Variants in TCF12 observed in about 807,000 individuals in gnomAD.
TCF12 encodes the protein transcription factor 12.
In TCF12, 45 loss-of-function variants were observed where a neutral mutation model predicts 86.0. That is an observed-to-expected ratio of 0.52 (90% confidence interval 0.41 to 0.67). The LOEUF (loss-of-function observed/expected upper bound fraction) is 0.67, where lower values mean the gene tolerates loss of function less well. TCF12 is among the 30% of genes least tolerant of loss of function. The pLI is 0.00. For synonymous variants in TCF12, 330 were observed against 299.6 expected (o/e 1.10, Z -1.05); for missense variants, 881 against 859.9 (o/e 1.02, Z -0.31).
rs2059762687 is a variant in TCF12 at position 56,920,919 on chromosome 15, C to G, written c.76-107C>G. On this transcript the variant is annotated intron_variant, in intron 2 of 20. Transcript: ENST00000333725. The stretch of plus-strand genomic sequence containing the variant: ...GAATGTATCTCCAATTTTATTTTAA[C>G]TTCCCTCTGAAATTTAATAACTGAT... 1.5e-5 allele frequency: 11 copies of G among 755,270 alleles called. No individual in the cohort carries two copies. In the Middle Eastern group the frequency reaches 2.4e-3, roughly 168 times the overall value. The allele number at this position is 755,270 out of a possible 1,614,324, so 46.8% of individuals were successfully genotyped here. A position where few individuals can be genotyped will look rare whatever the true frequency, so the allele number is the denominator to read the frequency against.
At chr15:56,991,192 C>T (rs932408042) in intron 3 of TCF12, among the ~76,000 whole-genome samples, 1 of 152,188 alleles carries the variant, frequency 6.6e-6, no homozygotes, top group Non-Finnish European at 1.5e-5. Flanking sequence ...ATATTCCCAA[C>T]CCACCATCTC....
chr15:57,269,869 T>C (rs1194154683), intron 18 of TCF12, among the ~76,000 whole-genome samples: 5 of 152,234 alleles, frequency 3.3e-5, no homozygotes, highest in Non-Finnish European at 7.3e-5. Flanking sequence ...TCTTTAAGAA[T>C]GTTGAAATAT....
chr15:57,181,137 G>A (rs180734221), intron 6 of TCF12, among the ~76,000 whole-genome samples: 15 of 152,048 alleles, frequency 9.9e-5, no homozygotes, highest in Admixed American at 8.5e-4. Flanking sequence ...TTTGACCTAC[G>A]GTTAATTAGG....
intron 20 of TCF12, 33 bp downstream of exon 20, chr15:57,282,631 A>AATAAC: frequency 6.3e-7 from 1 of 1,594,604 alleles, no homozygotes; most frequent in Admixed American, 1.8e-5. Context: ...ACAGCAAGGA[A>AATAAC]ATAACCTTAA....
intron 5 of TCF12, among the ~76,000 whole-genome samples, chr15:57,096,065 CTGT>C (rs1477609520): frequency 6.6e-6 from 1 of 152,036 alleles, no homozygotes; most frequent in African/African-American, 2.4e-5. Context: ...TTTAAGATAC[CTGT>C]TGTTTCTTCA....
At chr15:57,097,393 G>T (rs2151149084) in intron 5 of TCF12, among the ~76,000 whole-genome samples, 1 of 152,092 alleles carries the variant, frequency 6.6e-6, no homozygotes, top group East Asian at 1.9e-4. Context: ...GCCAGGCATG[G>T]TGGCACATGC....
intron 3 of TCF12, among the ~76,000 whole-genome samples, chr15:57,005,123 A>C (rs531957570): frequency 6.6e-6 from 1 of 152,332 alleles, no homozygotes; most frequent in East Asian, 1.9e-4. Flanking sequence ...TCATTATTAG[A>C]AAAACATTAG....
At chr15:57,127,667 C>T (rs1321115722) in intron 5 of TCF12, among the ~76,000 whole-genome samples, 2 of 152,110 alleles carry the variant, frequency 1.3e-5, no homozygotes, top group African/African-American at 4.8e-5. Flanking sequence ...AAACTATTTA[C>T]CTAATAATTC....
chr15:56,960,058 T>G (rs2061676055), intron 3 of TCF12, among the ~76,000 whole-genome samples: 1 of 152,208 alleles, frequency 6.6e-6, no homozygotes, highest in Admixed American at 6.5e-5. Flanking sequence ...TACTATGTTT[T>G]ACAGATAAAA....
At chr15:57,252,094 A>G (rs766706203) in intron 14 of TCF12, 24 of 225,290 alleles carry the variant, frequency 1.1e-4, no homozygotes, top group Non-Finnish European at 1.7e-4. Context: ...ATTTGATGGA[A>G]TGCTAAGTCA....
intron 3 of TCF12, among the ~76,000 whole-genome samples, chr15:57,036,340 G>A (rs571986750): frequency 2.2e-4 from 33 of 152,176 alleles, no homozygotes; most frequent in African/African-American, 6.3e-4. Flanking sequence ...GGTTGACTGC[G>A]TTTGTAATCT....
intron 5 of TCF12, among the ~76,000 whole-genome samples, chr15:57,162,149 T>C (rs2054549997): frequency 1.3e-5 from 2 of 152,216 alleles, no homozygotes; most frequent in South Asian, 2.1e-4. Context: ...AAATTAGATA[T>C]ATGTTACATT....
chr15:57,102,305 A>G (rs923547436), intron 5 of TCF12, among the ~76,000 whole-genome samples: 1 of 152,192 alleles, frequency 6.6e-6, no homozygotes, highest in Non-Finnish European at 1.5e-5. Context: ...AAGAATTAAT[A>G]AGTTACATAT....
intron 16 of TCF12, among the ~76,000 whole-genome samples, chr15:57,257,679 G>GTATATATATATATATATATATATATA (rs55834033): frequency 1.4e-4 from 20 of 140,358 alleles, no homozygotes; most frequent in African/African-American, 5.1e-4. Flanking sequence ...AAAAAAAAGT[G>GTATATATATATATATATATATATATA]TATATATATA....
chr15:57,033,595 C>G (rs1596228357), intron 3 of TCF12, among the ~76,000 whole-genome samples: 1 of 152,122 alleles, frequency 6.6e-6, no homozygotes, highest in East Asian at 1.9e-4. Flanking sequence ...TATTATGGCT[C>G]TTATTTTCTA....
chr15:57,022,292 C>T (rs1485116913), intron 3 of TCF12, among the ~76,000 whole-genome samples: 2 of 152,026 alleles, frequency 1.3e-5, no homozygotes, highest in Non-Finnish European at 2.9e-5. Flanking sequence ...TGTTCATTTC[C>T]CACCTATGAG....
chr15:57,158,293 C>G (rs1012581002), intron 5 of TCF12, among the ~76,000 whole-genome samples: 2 of 149,976 alleles, frequency 1.3e-5, no homozygotes, highest in African/African-American at 4.9e-5. Context: ...ATTCTCCCAT[C>G]TCAGCCCCCC....
At chr15:56,996,375 G>A (rs1320792454) in intron 3 of TCF12, among the ~76,000 whole-genome samples, 1 of 152,120 alleles carries the variant, frequency 6.6e-6, no homozygotes, top group African/African-American at 2.4e-5. Flanking sequence ...GACAAAGTCA[G>A]TAAAACTAAG....
At chr15:57,161,336 G>T (rs1803787778) in intron 5 of TCF12, among the ~76,000 whole-genome samples, 1 of 152,154 alleles carries the variant, frequency 6.6e-6, no homozygotes, top group Non-Finnish European at 1.5e-5. Flanking sequence ...TGAGTCTGGA[G>T]AAAATAATTT....
Sources: allele counts gnomAD v4.1 joint callset (sites outside exome capture counted in the v4.1 genomes callset), GRCh38; gene constraint gnomAD v4.1.1; transcripts MANE v1.5; gene names NCBI Gene and HGNC (gene_info 2026-07-23, HGNC 2026-07-21).